SAMMSON: variants seen among roughly 807,000 people sequenced by gnomAD.
The protein encoded by SAMMSON is survival associated mitochondrial melanoma specific oncogenic non-coding RNA.
chr3:70,066,809 T>A (rs1427702338), intron 3 of SAMMSON, among the ~76,000 whole-genome samples: 2 of 152,102 alleles, frequency 1.3e-5, no homozygotes, highest in Non-Finnish European at 1.5e-5. Flanking sequence ...CTTAAGAACC[T>A]GTTGTGATCC....
In SAMMSON at chr3:70,405,411, G is replaced by A. The variant is rs567905791; in HGVS notation, n.233+47087G>A. On this transcript the variant is annotated intron_variant and non_coding_transcript_variant, in intron 2 of 3. Transcript: ENST00000641053. ...ACCCATAGTATAGTAGAAGAAGCAG[G>A]AAAATGTGACCCATGACCAGAAGGA... Among the ~76,000 whole-genome samples the A allele has an allele frequency of 2.6e-5, 4 of 152,234 alleles. No individual in the cohort carries two copies. The South Asian group carries it at 8.3e-4, about 32-fold the overall frequency.
At chr3:70,363,843 A>T (rs1198475693) in intron 9 of SAMMSON, among the ~76,000 whole-genome samples, 1 of 146,762 alleles carries the variant, frequency 6.8e-6, no homozygotes, top group East Asian at 2.0e-4. Context: ...ACAGAGAGAG[A>T]GTGTGAATTA....
At chr3:70,325,845 C>T (rs1702577484) in intron 7 of SAMMSON, among the ~76,000 whole-genome samples, 1 of 152,098 alleles carries the variant, frequency 6.6e-6, no homozygotes, top group South Asian at 2.1e-4. Context: ...ACCAGGCTAC[C>T]ATTGCCACCC....
intron 3 of SAMMSON, among the ~76,000 whole-genome samples, chr3:70,022,833 C>A (rs2067021346): frequency 6.6e-6 from 1 of 152,140 alleles, no homozygotes; most frequent in African/African-American, 2.4e-5. Flanking sequence ...TTAGCTGACA[C>A]CATTTTCAAG....
rs531714745 is a variant in SAMMSON, at chr3:70,151,409, A to G, written n.507+79844A>G. The stretch of plus-strand genomic sequence containing the variant: ...ATGATTCTTTGCTACTGCCAGCATA[A>G]AGAGCTCTATTATTATGAGTTACAA... On this transcript the variant is annotated intron_variant and non_coding_transcript_variant, in intron 4 of 9. Transcript: ENST00000642114. Among the ~76,000 whole-genome samples, 13 of 152,150 alleles carry G rather than the reference A, an allele frequency of 8.5e-5. No individual in the cohort carries two copies. The South Asian group carries it at 2.3e-3, about 27-fold the overall frequency.
At chr3:70,122,535 G>T (rs972995976) in intron 4 of SAMMSON, among the ~76,000 whole-genome samples, 4 of 152,032 alleles carry the variant, frequency 2.6e-5, no homozygotes, top group African/African-American at 9.7e-5. Context: ...AGAACATAAA[G>T]AATATAGATA....
intron 7 of SAMMSON, among the ~76,000 whole-genome samples, chr3:70,353,468 A>G (rs1014505872): frequency 1.3e-5 from 2 of 152,152 alleles, no homozygotes; most frequent in African/African-American, 4.8e-5. Flanking sequence ...AATTATCACA[A>G]GAAAAGAGAT....
intron 6 of SAMMSON, among the ~76,000 whole-genome samples, chr3:70,290,898 A>G (rs1022175122): frequency 2.0e-5 from 3 of 152,218 alleles, no homozygotes; most frequent in Admixed American, 2.0e-4. Context: ...GAGTGAGGCA[A>G]TGCCTCGCCC....
In SAMMSON at chr3:70,125,426, C is replaced by G. The variant is rs150965403; in HGVS notation, n.507+53861C>G. The G allele has an allele frequency of 1.2e-4, 128 of 1,105,126 alleles. No individual in the cohort carries two copies. The African/African-American group carries it at 1.7e-3, about 15-fold the overall frequency. The allele number at this position is 1,105,126 out of a possible 1,614,324, so 68.5% of individuals were successfully genotyped here. ...TGTTTCCATTTCTTCTCTAGAAATT[C>G]TGTCCTTTTCCAATTCCCTTCTAGA... is the stretch of plus-strand genomic sequence containing the variant. On this transcript the variant is annotated intron_variant and non_coding_transcript_variant, in intron 4 of 9. Transcript: ENST00000642114.
chr3:70,403,925 A>G (rs889012000), intron 2 of SAMMSON, among the ~76,000 whole-genome samples: 1 of 152,148 alleles, frequency 6.6e-6, no homozygotes, highest in African/African-American at 2.4e-5. Context: ...ATCAAATTTT[A>G]CTTTAAGGAT....
At chr3:70,427,400 G>C (rs1200167931) in intron 2 of SAMMSON, among the ~76,000 whole-genome samples, 1 of 152,148 alleles carries the variant, frequency 6.6e-6, no homozygotes, top group African/African-American at 2.4e-5. Flanking sequence ...TGAACTAAAT[G>C]TTCTGGTAAT....
chr3:70,125,764 A>AT (rs1208381728), intron 4 of SAMMSON: 1 of 659,224 alleles, frequency 1.5e-6, no homozygotes, highest in South Asian at 1.7e-5. Context: ...CATATCCTTT[A>AT]TTTTTCTCTT....
chr3:70,189,742 A>G (rs558921050), intron 4 of SAMMSON, among the ~76,000 whole-genome samples: 1 of 152,310 alleles, frequency 6.6e-6, no homozygotes, highest in East Asian at 1.9e-4. Flanking sequence ...AACTTTTAGG[A>G]ATATATCTTT....
intron 7 of SAMMSON, among the ~76,000 whole-genome samples, chr3:70,320,669 C>G (rs1313634178): frequency 6.6e-6 from 1 of 152,076 alleles, no homozygotes; most frequent in South Asian, 2.1e-4. Context: ...TTGTTCAGCA[C>G]CACCAGGCCA....
At chr3:70,302,487 GTTGA>G (rs1702359480) in intron 7 of SAMMSON, 1 of 152,018 alleles carries the variant, frequency 6.6e-6, no homozygotes, top group African/African-American at 2.4e-5. Flanking sequence ...TTATACTAAT[GTTGA>G]TTAAGTGTAT....
intron 9 of SAMMSON, among the ~76,000 whole-genome samples, chr3:70,383,117 A>G (rs1477660744): frequency 6.6e-6 from 1 of 152,108 alleles, no homozygotes; most frequent in Non-Finnish European, 1.5e-5. Context: ...GGGGAATCCC[A>G]AAGTATAAAT....
intron 6 of SAMMSON, among the ~76,000 whole-genome samples, chr3:70,264,326 G>A (rs1020495607): frequency 9.9e-5 from 15 of 152,106 alleles, no homozygotes; most frequent in Admixed American, 3.3e-4. Flanking sequence ...CCTTTATCAC[G>A]TTTACATATT....
At chr3:70,372,692 A>C (rs572431787) in intron 9 of SAMMSON, among the ~76,000 whole-genome samples, 1 of 152,148 alleles carries the variant, frequency 6.6e-6, no homozygotes, top group South Asian at 2.1e-4. Context: ...CTCTCATCCT[A>C]TATCTTTTCT....
intron 6 of SAMMSON, among the ~76,000 whole-genome samples, chr3:70,284,091 T>C (rs1165425241): frequency 1.3e-5 from 2 of 152,110 alleles, no homozygotes; most frequent in African/African-American, 4.8e-5. Context: ...TTGGACTGGT[T>C]TTCATGAGTG....
Sources: gnomAD v4.1 joint callset for allele counts (sites outside exome capture counted in the v4.1 genomes callset) on GRCh38, gnomAD v4.1.1 for gene constraint, MANE v1.5 for transcripts, NCBI Gene and HGNC (gene_info 2026-07-23, HGNC 2026-07-21) for gene names.